MAGI1: variants seen among roughly 807,000 people sequenced by gnomAD.
The protein encoded by MAGI1 is membrane associated guanylate kinase, WW and PDZ domain containing 1.
In MAGI1, 58 loss-of-function variants were observed where a neutral mutation model predicts 139.9. That is an observed-to-expected ratio of 0.41 (90% CI 0.34 to 0.52). The LOEUF (loss-of-function observed/expected upper bound fraction) is 0.52, where lower values mean the gene tolerates loss of function less well. Among genes scored for constraint, MAGI1 ranks in the 20% least tolerant of loss-of-function variants. The probability of loss-of-function intolerance (pLI) is 0.12; values close to 1 mark genes in which losing one functional copy is unlikely to be tolerated. For synonymous variants in MAGI1, 812 were observed against 737.9 expected (o/e 1.10, Z -1.63); for missense variants, 1,874 against 1,901.6 (o/e 0.99, Z 0.27).
chr3:65,746,938 T>C (rs1425822337), intron 1 of MAGI1, among the ~76,000 whole-genome samples: 1 of 152,136 alleles, frequency 6.6e-6, no homozygotes, highest in Non-Finnish European at 1.5e-5. Flanking sequence ...TACAAGCACA[T>C]GTAATGGGAA....
rs750182240 is a variant in MAGI1 at position 65,478,765 on chromosome 3, T to C, written c.584A>G (p.Gln195Arg). The C allele has an allele frequency of 3.7e-6, 6 of 1,614,066 alleles. No individual in the cohort carries two copies. Among genetic ancestry groups the C allele is most frequent in the South Asian group, 1.1e-5 (1 of 91,088 alleles). Residue 195 changes from glutamine (Q) to arginine (R), a missense_variant, in exon 4 of 23, where the codon CAG (glutamine) becomes CGG (arginine). Coordinates refer to ENST00000402939, the MANE Select transcript of MAGI1 (RefSeq NM_001033057.2). ...NYYGTPKPPS[Q>R]PVSGKVITTD... ...CGTGATCACTTTCCCACTGACTGGC[T>C]GGCTAGGAGGCTTGGGTGTCCCATA...
intron 2 of MAGI1, among the ~76,000 whole-genome samples, chr3:65,522,526 T>C (rs9875053): frequency 0.23 from 35,278 of 152,142 alleles, 4,261 homozygotes; most frequent in Middle Eastern, 0.28. Context: ...AGACCCAGTG[T>C]ACAACAACAA....
intron 1 of MAGI1, among the ~76,000 whole-genome samples, chr3:66,034,834 A>G (rs2068828428): frequency 6.6e-6 from 1 of 152,138 alleles, no homozygotes; most frequent in Non-Finnish European, 1.5e-5. Context: ...AAGAGTACAT[A>G]CTGCATTAGT....
intron 1 of MAGI1, among the ~76,000 whole-genome samples, chr3:65,728,214 A>G (rs535219068): frequency 1.4e-4 from 21 of 152,330 alleles, no homozygotes; most frequent in Middle Eastern, 3.4e-3. Context: ...AGATTCCCAT[A>G]TGAGGCAAAT....
At chr3:65,437,787 A>G (rs62252639) in intron 9 of MAGI1, among the ~76,000 whole-genome samples, 53,035 of 152,072 alleles carry the variant, frequency 0.35, 9,421 homozygotes, top group Middle Eastern at 0.42. Flanking sequence ...TTGAGATGGC[A>G]CCCCAGAATC....
chr3:65,410,528 C>A (rs969246356), intron 12 of MAGI1, among the ~76,000 whole-genome samples: 6 of 152,286 alleles, frequency 3.9e-5, no homozygotes, highest in African/African-American at 1.2e-4. Flanking sequence ...ATCCTATAGC[C>A]ATTCATACAT....
chr3:65,903,309 C>T (rs174652), intron 1 of MAGI1, among the ~76,000 whole-genome samples: 111,085 of 152,026 alleles, frequency 0.73, 41,609 homozygotes, highest in East Asian at 0.99. Context: ...AATATTAGTA[C>T]AGGAGTGGCA....
In MAGI1 at chr3:65,673,309, T is replaced by A. The variant is rs1163868080; in HGVS notation, c.314-51221A>T. On this transcript the variant is annotated intron_variant, in intron 1 of 22. Transcript: ENST00000402939. Reference sequence around the variant, plus strand: ...GAAGCCTAAAATAACTGCCTCAAATTTCCTGATGTCTTAGTTTATCTTAAA... The same window carrying A: ...GAAGCCTAAAATAACTGCCTCAAATATCCTGATGTCTTAGTTTATCTTAAA... Among the ~76,000 whole-genome samples, 3 of 152,332 alleles carry A rather than the reference T, an allele frequency of 2.0e-5. No individual in the cohort carries two copies. The South Asian group carries it at 6.2e-4, about 32-fold the overall frequency.
At chr3:65,891,854 T>C (rs2060764022) in intron 1 of MAGI1, among the ~76,000 whole-genome samples, 1 of 125,390 alleles carries the variant, frequency 8.0e-6, no homozygotes, top group South Asian at 2.8e-4. Flanking sequence ...AACCTGCACA[T>C]TGTGCAAATG....
chr3:65,726,092 T>G (rs911484411), intron 1 of MAGI1, among the ~76,000 whole-genome samples: 1 of 152,186 alleles, frequency 6.6e-6, no homozygotes, highest in Admixed American at 6.5e-5. Context: ...ATGCAAAGAC[T>G]TGTTGAGATT....
intron 1 of MAGI1, among the ~76,000 whole-genome samples, chr3:65,968,132 T>C (rs2064847303): frequency 2.0e-5 from 3 of 152,132 alleles, no homozygotes; most frequent in Non-Finnish European, 4.4e-5. Context: ...GAAAGGGAAT[T>C]AAATTTTAGG....
At chr3:65,771,067 G>A (rs1421956001) in intron 1 of MAGI1, among the ~76,000 whole-genome samples, 2 of 151,942 alleles carry the variant, frequency 1.3e-5, no homozygotes, top group Non-Finnish European at 2.9e-5. Context: ...AGCGCTTTGG[G>A]AGGCCAAGGC....
chr3:65,605,241 G>T (rs940667931), intron 2 of MAGI1, among the ~76,000 whole-genome samples: 1 of 152,256 alleles, frequency 6.6e-6, no homozygotes, highest in African/African-American at 2.4e-5. Context: ...AACCTGTGCT[G>T]GTATCATCCT....
intron 1 of MAGI1, among the ~76,000 whole-genome samples, chr3:65,745,805 C>T (rs1006893692): frequency 6.6e-6 from 1 of 152,212 alleles, no homozygotes; most frequent in Non-Finnish European, 1.5e-5. Context: ...TCTTGGCTCA[C>T]TGCAACCTCA....
rs151005180 is a variant in MAGI1 at position 65,722,142 on chromosome 3, G to A, written c.314-100054C>T. ...GCTTAAGAACTGAGTCAACCAATTC[G>A]TGCAGCAGTCTTGAGAGGTAGGTGG... On this transcript the variant is annotated intron_variant, in intron 1 of 22. Coordinates refer to ENST00000402939, the MANE Select transcript of MAGI1 (RefSeq NM_001033057.2). Among the ~76,000 whole-genome samples the A allele has an allele frequency of 5.3e-3, 799 of 152,168 alleles. 7 individuals carry two copies. Among genetic ancestry groups the A allele is most frequent in the African/African-American group, 0.018 (753 of 41,490 alleles).
intron 6 of MAGI1, among the ~76,000 whole-genome samples, chr3:65,451,807 G>C (rs1949047306): frequency 6.6e-6 from 1 of 152,028 alleles, no homozygotes; most frequent in Admixed American, 6.6e-5. Context: ...AACACGCCTA[G>C]CTAATTTTTG....
At chr3:65,923,227 T>TG (rs1361526072) in intron 1 of MAGI1, among the ~76,000 whole-genome samples, 6 of 11,130 alleles carry the variant, frequency 5.4e-4, no homozygotes, top group African/African-American at 1.7e-3. Flanking sequence ...AACAGACATC[T>TG]TTTTTTTTTT....
At chr3:65,373,831 C>G (rs999115182) in intron 18 of MAGI1, among the ~76,000 whole-genome samples, 2 of 152,184 alleles carry the variant, frequency 1.3e-5, no homozygotes, top group Non-Finnish European at 1.5e-5. Flanking sequence ...GATCATCATT[C>G]AAGAGGCCAG....
intron 1 of MAGI1, among the ~76,000 whole-genome samples, chr3:65,701,138 A>T (rs2089577646): frequency 6.6e-6 from 1 of 152,198 alleles, no homozygotes; most frequent in Non-Finnish European, 1.5e-5. Flanking sequence ...CATATTATTT[A>T]ATTTTCACAA....
Sources: gnomAD v4.1 joint callset for allele counts (sites outside exome capture counted in the v4.1 genomes callset) on GRCh38, gnomAD v4.1.1 for gene constraint, MANE v1.5 for transcripts, NCBI Gene and HGNC (gene_info 2026-07-23, HGNC 2026-07-21) for gene names.